The following MYLK4 variants were observed in gnomAD, a reference collection of about 807,000 sequenced individuals.
The protein encoded by MYLK4 is myosin light chain kinase family member 4.
Under a neutral mutation model 48.1 loss-of-function variants are expected in MYLK4, and 46 were observed. The observed-to-expected ratio is 0.96, with a 90% CI of 0.75 to 1.22. The LOEUF is 1.22. Among genes scored for constraint, MYLK4 ranks in the 50% most tolerant of loss-of-function variants. The probability of loss-of-function intolerance (pLI) is 0.00; values close to 1 mark genes in which losing one functional copy is unlikely to be tolerated. For missense variants in MYLK4, 451 were observed against 486.1 expected (o/e 0.93, Z 0.68); for synonymous variants, 170 against 180.8 (o/e 0.94, Z 0.48).
intron 7 of MYLK4, among the ~76,000 whole-genome samples, chr6:2,682,728 G>A (rs959119497): frequency 6.6e-6 from 1 of 152,180 alleles, no homozygotes; most frequent in Non-Finnish European, 1.5e-5. Flanking sequence ...CGTGGATACC[G>A]CTGTGGTGGT....
chr6:2,668,400 A>C (rs931607740), intron 12 of MYLK4, among the ~76,000 whole-genome samples: 6 of 152,130 alleles, frequency 3.9e-5, no homozygotes, highest in African/African-American at 1.4e-4. Context: ...GAGTACCCTA[A>C]ATTTATATCC....
intron 2 of MYLK4, among the ~76,000 whole-genome samples, chr6:2,734,399 G>A (rs886078596): frequency 6.6e-6 from 1 of 152,140 alleles, no homozygotes; most frequent in African/African-American, 2.4e-5. Context: ...ACCCTCCCAG[G>A]GCAGAGGGAG....
At chr6:2,742,568 G>A (rs962162324) in intron 2 of MYLK4, among the ~76,000 whole-genome samples, 5 of 151,236 alleles carry the variant, frequency 3.3e-5, no homozygotes, top group African/African-American at 1.2e-4. Context: ...GTCCTTTGTA[G>A]GGACATGGAT....
At chr6:2,692,762 T>C (rs1370166458) in intron 3 of MYLK4, 22 bp downstream of exon 3, 42 of 1,608,474 alleles carry the variant, frequency 2.6e-5, no homozygotes, top group Non-Finnish European at 3.2e-5. Context: ...TCCATAACTA[T>C]CTACTTTTCT....
At chr6:2,709,727 C>T (rs1417872264) in intron 2 of MYLK4, among the ~76,000 whole-genome samples, 1 of 152,200 alleles carries the variant, frequency 6.6e-6, no homozygotes, top group East Asian at 1.9e-4. Context: ...TGTACGATCT[C>T]TCTAATTTGT....
chr6:2,755,807 T>C (rs1764416083), upstream of MYLK4, among the ~76,000 whole-genome samples: 1 of 152,222 alleles, frequency 6.6e-6, no homozygotes, highest in Non-Finnish European at 1.5e-5. Flanking sequence ...AATTGTTTCA[T>C]AAAATGTCTC....
intron 2 of MYLK4, among the ~76,000 whole-genome samples, chr6:2,734,679 A>G (rs939139182): frequency 1.3e-5 from 2 of 152,332 alleles, no homozygotes; most frequent in East Asian, 3.9e-4. Context: ...ATGTGTGTGT[A>G]TTTAAATGTA....
chr6:2,749,864 A>G (rs1764226161), intron 1 of MYLK4, among the ~76,000 whole-genome samples: 2 of 152,108 alleles, frequency 1.3e-5, no homozygotes, highest in Non-Finnish European at 2.9e-5. Flanking sequence ...TTCTCTACCT[A>G]TGCCTTAAAA....
chr6:2,684,865 G>T (rs1348597289), intron 6 of MYLK4, among the ~76,000 whole-genome samples: 2 of 152,086 alleles, frequency 1.3e-5, no homozygotes, highest in African/African-American at 4.8e-5. Flanking sequence ...GACTGTACTC[G>T]GTTTCTAACT....
chr6:2,753,149 G>A (rs1177031930), upstream of MYLK4, among the ~76,000 whole-genome samples: 2 of 152,092 alleles, frequency 1.3e-5, no homozygotes. Context: ...CCAACATCAG[G>A]AAAACAGCAC....
intron 3 of MYLK4, among the ~76,000 whole-genome samples, chr6:2,691,729 A>G (rs551629400): frequency 6.6e-6 from 1 of 152,362 alleles, no homozygotes; most frequent in South Asian, 2.1e-4. Flanking sequence ...TGTGGGCACT[A>G]TTAATCATCA....
rs1387167147 is a variant in MYLK4, at chr6:2,699,293, T to TTC, written c.160-6435_160-6434insGA. On this transcript the variant is annotated intron_variant, in intron 2 of 12. Coordinates refer to ENST00000274643, the MANE Select transcript of MYLK4 (RefSeq NM_001012418.5). ...ACCACTTTTCTTTTCTTTTCTTTTT[T>TTC]TTTTTTTTTTTTTTTTGATATGGAG... is the stretch of plus-strand genomic sequence containing the variant. 1.3e-3 allele frequency among the ~76,000 whole-genome samples: 115 copies of TTC among 90,320 alleles called. 1 individual carries two copies. Among genetic ancestry groups the TTC allele is most frequent in the African/African-American group, 4.9e-3 (104 of 21,078 alleles). 59.3% of individuals were successfully genotyped at this position (90,320 alleles called of 152,430 possible).
At chr6:2,716,922 G>A (rs1251977007) in intron 2 of MYLK4, among the ~76,000 whole-genome samples, 1 of 152,222 alleles carries the variant, frequency 6.6e-6, no homozygotes, top group African/African-American at 2.4e-5. Flanking sequence ...ATAAGAGACA[G>A]GCATTACACC....
intron 4 of MYLK4, among the ~76,000 whole-genome samples, chr6:2,687,800 C>G (rs570188000): frequency 6.6e-6 from 1 of 152,296 alleles, no homozygotes; most frequent in South Asian, 2.1e-4. Flanking sequence ...CTTGCAGACG[C>G]CTGAACTGCA....
chr6:2,743,372 T>C (rs527392016), intron 2 of MYLK4, among the ~76,000 whole-genome samples: 4 of 152,360 alleles, frequency 2.6e-5, no homozygotes, highest in South Asian at 4.1e-4. Context: ...ATTCTTAGAA[T>C]AGGAATTATT....
chr6:2,766,002 C>T, the MYLK4 span: 13 of 1,359,896 alleles, frequency 9.6e-6, no homozygotes, highest in Admixed American at 6.3e-5. Context: ...CCCGACTTCC[C>T]GGTGGCCCGC....
In MYLK4 at chr6:2,685,682, C is replaced by A; in HGVS notation, c.342-106G>T. On this transcript the variant is annotated intron_variant, in intron 4 of 12. Transcript: ENST00000274643. This position sits in a 1 kb window ranked among gnomAD's most constrained non-coding sequence, Gnocchi z 4.5. ...CTCCTGCTGAGTCTGGATGAGCAGC[C>A]CTCTGAGGAGTTCTTTCAGTAAACT... The A allele has an allele frequency of 1.1e-6, 1 of 922,832 alleles. No individual in the cohort carries two copies. Among genetic ancestry groups the A allele is most frequent in the East Asian group, 2.4e-5 (1 of 41,070 alleles). The allele number at this position is 922,832 out of a possible 1,614,324, so 57.2% of individuals were successfully genotyped here. A position where few individuals can be genotyped will look rare whatever the true frequency, so the allele number is the denominator to read the frequency against.
chr6:2,713,062 C>T (rs780222725), intron 2 of MYLK4, among the ~76,000 whole-genome samples: 1 of 152,156 alleles, frequency 6.6e-6, no homozygotes, highest in African/African-American at 2.4e-5. Context: ...CATGTGAAAG[C>T]GCTTTTGGAA....
chr6:2,743,775 C>T (rs918505156), intron 2 of MYLK4: 2 of 395,900 alleles, frequency 5.1e-6, no homozygotes, highest in African/African-American at 4.1e-5. Context: ...GCCCCTAAGA[C>T]CAGGGCCCTG....
Sources: allele counts gnomAD v4.1 joint callset (sites outside exome capture counted in the v4.1 genomes callset), GRCh38; gene constraint gnomAD v4.1.1; non-coding constraint Gnocchi (gnomAD v3.1); transcripts MANE v1.5; gene names NCBI Gene and HGNC (gene_info 2026-07-23, HGNC 2026-07-21).